Variants in CCSER1 observed in about 807,000 individuals in gnomAD.
The protein encoded by CCSER1 is serine-rich coiled-coil domain-containing protein 1.
Under a neutral mutation model 82.0 loss-of-function variants are expected in CCSER1, and 41 were observed. That is an observed-to-expected ratio of 0.50 (90% CI 0.39 to 0.65). The LOEUF (loss-of-function observed/expected upper bound fraction) is 0.65, where lower values mean the gene tolerates loss of function less well. Ranked by LOEUF, CCSER1 falls within the 30% of genes least tolerant of loss-of-function variation. The probability of loss-of-function intolerance (pLI) is 0.00; values close to 1 mark genes in which losing one functional copy is unlikely to be tolerated. For synonymous variants in CCSER1, 414 were observed against 383.9 expected (o/e 1.08, Z -0.92); for missense variants, 1,119 against 1,064.2 (o/e 1.05, Z -0.72).
rs115912954 is a variant in CCSER1, at chr4:91,264,322, A to T, written c.2217+178328A>T. Among the ~76,000 whole-genome samples the T allele has an allele frequency of 9.9e-3, 1,499 of 151,962 alleles. 15 individuals are homozygous for T. The highest frequency in any genetic ancestry group is 0.034 in the African/African-American group (1,423 of 41,492). On this transcript the variant is annotated intron_variant, in intron 10 of 10. Transcript: ENST00000509176. ...TAAATAGTTGCTTGCACAATAAAAA[A>T]ATCATGGTTGTAGTTAGTATTAGGT...
chr4:90,661,699 G>A (rs1730814813), intron 6 of CCSER1, among the ~76,000 whole-genome samples: 1 of 152,050 alleles, frequency 6.6e-6, no homozygotes, highest in Admixed American at 6.6e-5. Flanking sequence ...ATATCAGAGT[G>A]TCCTACTTAA....
At chr4:91,125,566 T>C (rs987887660) in intron 10 of CCSER1, among the ~76,000 whole-genome samples, 10 of 151,764 alleles carry the variant, frequency 6.6e-5, no homozygotes, top group African/African-American at 1.9e-4. Flanking sequence ...AATTCCCTAA[T>C]GCCTTTACAA....
chr4:90,609,188 T>C (rs930958012), intron 5 of CCSER1, among the ~76,000 whole-genome samples: 1 of 152,096 alleles, frequency 6.6e-6, no homozygotes, highest in African/African-American at 2.4e-5. Flanking sequence ...ATTGCATCCC[T>C]TACTAGATAA....
At chr4:90,435,542 A>G (rs887316223) in intron 4 of CCSER1, among the ~76,000 whole-genome samples, 3 of 152,132 alleles carry the variant, frequency 2.0e-5, no homozygotes, top group Non-Finnish European at 4.4e-5. Context: ...ATAATAGAGT[A>G]ATAGCATTAT....
At chr4:90,749,674 G>A (rs182739130) in intron 7 of CCSER1, among the ~76,000 whole-genome samples, 4 of 152,040 alleles carry the variant, frequency 2.6e-5, no homozygotes, top group Admixed American at 6.6e-5. Flanking sequence ...CCCACATTTT[G>A]TTAATCCAGT....
intron 10 of CCSER1, among the ~76,000 whole-genome samples, chr4:91,332,225 A>T (rs1026340253): frequency 2.0e-5 from 3 of 151,970 alleles, no homozygotes; most frequent in Non-Finnish European, 4.4e-5. Flanking sequence ...TAATTGAAAA[A>T]TTCTTAAAAC....
At chr4:90,549,960 A>C (rs556751682) in intron 5 of CCSER1, among the ~76,000 whole-genome samples, 7 of 152,318 alleles carry the variant, frequency 4.6e-5, no homozygotes, top group African/African-American at 1.7e-4. Flanking sequence ...GTCAAAAAAC[A>C]ATGCCCAGAA....
intron 10 of CCSER1, among the ~76,000 whole-genome samples, chr4:91,094,996 A>T (rs1271849631): frequency 1.3e-5 from 2 of 152,194 alleles, no homozygotes; most frequent in African/African-American, 4.8e-5. Context: ...GGTCCAAGGT[A>T]GGCAGAAAAC....
intron 10 of CCSER1, among the ~76,000 whole-genome samples, chr4:91,362,724 T>G (rs892876106): frequency 2.0e-5 from 3 of 151,718 alleles, no homozygotes; most frequent in Non-Finnish European, 4.4e-5. Flanking sequence ...CTTCCTCCTT[T>G]TTTTGTTTTT....
chr4:91,269,582 T>A (rs1741868745), intron 10 of CCSER1, among the ~76,000 whole-genome samples: 1 of 152,200 alleles, frequency 6.6e-6, no homozygotes. Context: ...ACATTTACAA[T>A]GATTATATTA....
intron 1 of CCSER1, among the ~76,000 whole-genome samples, chr4:90,223,136 G>A (rs1458331890): frequency 6.6e-6 from 1 of 152,032 alleles, no homozygotes; most frequent in African/African-American, 2.4e-5. Flanking sequence ...CTAACCCCAT[G>A]CAATCACTGA....
chr4:91,315,756 A>G (rs1042790959), intron 10 of CCSER1, among the ~76,000 whole-genome samples: 3 of 152,050 alleles, frequency 2.0e-5, no homozygotes, highest in Non-Finnish European at 4.4e-5. Context: ...TGAATACTAC[A>G]GCATAGCAGT....
At chr4:91,033,985 A>T (rs996504976) in intron 9 of CCSER1, among the ~76,000 whole-genome samples, 2 of 152,192 alleles carry the variant, frequency 1.3e-5, no homozygotes, top group Non-Finnish European at 1.5e-5. Flanking sequence ...CAATTGTCCC[A>T]CCATCAAAGA....
intron 1 of CCSER1, among the ~76,000 whole-genome samples, chr4:90,303,437 T>C (rs968068222): frequency 1.4e-3 from 210 of 152,092 alleles, no homozygotes; most frequent in Non-Finnish European, 2.0e-3. Flanking sequence ...AGCATGGTAC[T>C]GGTACCAAAA....
chr4:91,469,129 A>G lies in CCSER1; in HGVS notation c.2218-129443A>G, dbSNP rs538765853. 1.4e-3 allele frequency among the ~76,000 whole-genome samples: 217 copies of G among 152,334 alleles called. 2 individuals carry two copies. The South Asian group carries it at 0.027, about 19-fold the overall frequency. On this transcript the variant is annotated intron_variant, in intron 10 of 10. Transcript: ENST00000509176. ...ATACCAAATCTACATTGGATCTTTC[A>G]TTTTATCAATTAATTTTCTTGTGTA...
At chr4:91,341,636 G>C (rs1747726841) in intron 10 of CCSER1, among the ~76,000 whole-genome samples, 1 of 152,088 alleles carries the variant, frequency 6.6e-6, no homozygotes. Context: ...ACTGCCTCCA[G>C]GTTCAAGCTA....
At chr4:91,567,756 G>C (rs181991235) in intron 10 of CCSER1, among the ~76,000 whole-genome samples, 19 of 151,966 alleles carry the variant, frequency 1.3e-4, no homozygotes, top group Non-Finnish European at 2.5e-4. Context: ...GCCTCTGACT[G>C]TTATTACATG....
intron 10 of CCSER1, among the ~76,000 whole-genome samples, chr4:91,261,278 C>G (rs981950141): frequency 2.6e-5 from 4 of 152,208 alleles, no homozygotes; most frequent in Non-Finnish European, 5.9e-5. Flanking sequence ...GTGACTCAGT[C>G]TCTACCCAAA....
At chr4:90,874,418 G>A (rs1580874411) in intron 8 of CCSER1, among the ~76,000 whole-genome samples, 1 of 140,212 alleles carries the variant, frequency 7.1e-6, no homozygotes, top group African/African-American at 2.8e-5. Context: ...TTCAACTTTA[G>A]AAGAAGTTTT....
Sources: gnomAD v4.1 joint callset for allele counts (sites outside exome capture counted in the v4.1 genomes callset) on GRCh38, gnomAD v4.1.1 for gene constraint, MANE v1.5 for transcripts, NCBI Gene and HGNC (gene_info 2026-07-23, HGNC 2026-07-21) for gene names.